Variants in SPOCK1 observed in about 807,000 individuals in gnomAD.
SPOCK1 encodes SPARC (osteonectin), cwcv and kazal like domains proteoglycan 1.
Under a neutral mutation model 55.3 loss-of-function variants are expected in SPOCK1, and 23 were observed. The observed-to-expected ratio is 0.42, with a 90% CI of 0.30 to 0.59. The LOEUF (loss-of-function observed/expected upper bound fraction) is 0.59, where lower values mean the gene tolerates loss of function less well. SPOCK1 is among the 20% of genes least tolerant of loss of function. The pLI is 0.22. For synonymous variants in SPOCK1, 226 were observed against 221.0 expected, an observed-to-expected ratio of 1.02 and a Z score of -0.20; for missense variants, 499 against 552.5, an observed-to-expected ratio of 0.90 and a Z score of 0.97.
intron 5 of SPOCK1, among the ~76,000 whole-genome samples, chr5:137,069,013 T>C (rs1297229067): frequency 6.6e-6 from 1 of 152,186 alleles, no homozygotes; most frequent in Non-Finnish European, 1.5e-5. Flanking sequence ...TCAGGTGCCA[T>C]GGGGAATCTT....
At chr5:137,498,707 T>C in intron 1 of SPOCK1, 149 bp from the exon 2 acceptor site, 1 of 484,476 alleles carries the variant, frequency 2.1e-6, no homozygotes, top group African/African-American at 2.1e-5. Context: ...CTGTCGCGCC[T>C]CTAGACCCAG....
chr5:137,493,476 G>C (rs925503885), intron 2 of SPOCK1, among the ~76,000 whole-genome samples: 2 of 152,172 alleles, frequency 1.3e-5, no homozygotes, highest in East Asian at 3.9e-4. Context: ...AAGGCCAACT[G>C]GGGCAAGGAG....
At chr5:137,476,906 C>G (rs1753848282) in intron 2 of SPOCK1, among the ~76,000 whole-genome samples, 1 of 151,988 alleles carries the variant, frequency 6.6e-6, no homozygotes, top group Admixed American at 6.5e-5. Flanking sequence ...GCCTGGACAA[C>G]AGAATGAGAC....
At chr5:137,328,518 G>C (rs536647338) in intron 2 of SPOCK1, among the ~76,000 whole-genome samples, 1 of 152,144 alleles carries the variant, frequency 6.6e-6, no homozygotes, top group Admixed American at 6.5e-5. Flanking sequence ...AGCATTTAAC[G>C]CCGTGCCAGG....
intron 3 of SPOCK1, among the ~76,000 whole-genome samples, chr5:137,261,644 G>C (rs1756744628): frequency 6.6e-6 from 1 of 152,190 alleles, no homozygotes; most frequent in Non-Finnish European, 1.5e-5. Flanking sequence ...AGCAACATCT[G>C]AGGTTTATCT....
intron 2 of SPOCK1, among the ~76,000 whole-genome samples, chr5:137,438,472 G>T (rs915977717): frequency 2.0e-5 from 3 of 152,150 alleles, no homozygotes; most frequent in African/African-American, 7.2e-5. Flanking sequence ...TAACCCAAAG[G>T]AGAAATGCAA....
chr5:137,197,472 A>C (rs1755322384), intron 3 of SPOCK1, among the ~76,000 whole-genome samples: 1 of 152,196 alleles, frequency 6.6e-6, no homozygotes, highest in Admixed American at 6.5e-5. Context: ...GGTCAGGTTA[A>C]GAATCACAAT....
chr5:137,034,940 G>T (rs1352654254), intron 6 of SPOCK1, among the ~76,000 whole-genome samples: 2 of 152,208 alleles, frequency 1.3e-5, no homozygotes, highest in East Asian at 1.9e-4. Flanking sequence ...AGGGGTCCAG[G>T]TGTAGGCCTG....
intron 5 of SPOCK1, among the ~76,000 whole-genome samples, chr5:137,110,423 T>C (rs548014808): frequency 1.3e-3 from 195 of 152,296 alleles, no homozygotes; most frequent in African/African-American, 4.2e-3. Context: ...CTCCAGATGA[T>C]TGTTTACACA....
intron 2 of SPOCK1, among the ~76,000 whole-genome samples, chr5:137,378,864 A>T (rs1751393431): frequency 6.6e-6 from 1 of 152,204 alleles, no homozygotes; most frequent in African/African-American, 2.4e-5. Context: ...AGAAAGCAGC[A>T]TCAGAGGGGT....
At chr5:137,286,076 AC>A (rs1757258658) in intron 2 of SPOCK1, among the ~76,000 whole-genome samples, 1 of 152,074 alleles carries the variant, frequency 6.6e-6, no homozygotes, top group African/African-American at 2.4e-5. Flanking sequence ...AATGTTCTTC[AC>A]CACCCTAGGT....
At chr5:137,443,497 C>T (rs894129269) in intron 2 of SPOCK1, among the ~76,000 whole-genome samples, 13 of 152,158 alleles carry the variant, frequency 8.5e-5, no homozygotes, top group African/African-American at 2.9e-4. Flanking sequence ...CACCCACAAC[C>T]GAATGACTTG....
chr5:137,129,649 TGGAGTCAGTCA>T (rs1374588349), intron 4 of SPOCK1, among the ~76,000 whole-genome samples: 1 of 152,282 alleles, frequency 6.6e-6, no homozygotes, highest in African/African-American at 2.4e-5. Context: ...CAGGTCCAAG[TGGAGTCAGTCA>T]GGGGCTTGAT....
rs554364055 is a variant in SPOCK1 at position 137,292,346 on chromosome 5, A to G, written c.187-25291T>C. On this transcript the variant is annotated intron_variant, in intron 2 of 10. Coordinates refer to ENST00000394945, the MANE Select transcript of SPOCK1 (RefSeq NM_004598.4). Reference sequence around the variant, plus strand: ...GGGAACTACCCTAAGCTAAACCCCTAAAAGTGTTGCTCAGCATCCAGAAAA... The same window carrying G: ...GGGAACTACCCTAAGCTAAACCCCTGAAAGTGTTGCTCAGCATCCAGAAAA... 2.0e-5 allele frequency among the ~76,000 whole-genome samples: 3 copies of G among 150,750 alleles called. No individual in the cohort carries two copies. In the South Asian group the frequency reaches 6.3e-4, roughly 32 times the overall value.
intron 2 of SPOCK1, among the ~76,000 whole-genome samples, chr5:137,479,777 A>T (rs2149841937): frequency 6.6e-6 from 1 of 152,340 alleles, no homozygotes; most frequent in South Asian, 2.1e-4. Flanking sequence ...TTTTAAGCAA[A>T]AGTGTGATTA....
chr5:137,000,213 A>C (rs1382984392), intron 6 of SPOCK1, among the ~76,000 whole-genome samples: 2 of 152,162 alleles, frequency 1.3e-5, no homozygotes, highest in African/African-American at 4.8e-5. Flanking sequence ...CAGCCCTCCT[A>C]GGTGCTGTTG....
intron 2 of SPOCK1, among the ~76,000 whole-genome samples, chr5:137,292,616 GTCT>G (rs1212173453): frequency 4.6e-5 from 7 of 152,114 alleles, no homozygotes; most frequent in Non-Finnish European, 1.0e-4. Context: ...TAGCCAGCTA[GTCT>G]TCTGCACATG....
chr5:137,468,648 T>C (rs755576755), intron 2 of SPOCK1, among the ~76,000 whole-genome samples: 26 of 152,300 alleles, frequency 1.7e-4, no homozygotes, highest in Non-Finnish European at 2.9e-4. Context: ...ATAATAATAA[T>C]GCAGTGGAAG....
chr5:137,412,228 C>A (rs1752221894), intron 2 of SPOCK1, among the ~76,000 whole-genome samples: 1 of 152,224 alleles, frequency 6.6e-6, no homozygotes, highest in Non-Finnish European at 1.5e-5. Context: ...GGTTTGCACT[C>A]TGCAGGCCCA....
Sources: allele counts gnomAD v4.1 joint callset (sites outside exome capture counted in the v4.1 genomes callset), GRCh38; gene constraint gnomAD v4.1.1; transcripts MANE v1.5; gene names NCBI Gene and HGNC (gene_info 2026-07-23, HGNC 2026-07-21).